MIOS: variants seen among roughly 807,000 people sequenced by gnomAD.
MIOS encodes the protein meiosis regulator for oocyte development, also known as GATOR2 complex protein MIOS.
Under a neutral mutation model 96.9 loss-of-function variants are expected in MIOS, and 52 were observed. The ratio of observed to expected loss-of-function variants is 0.54; its 90% CI spans 0.43 to 0.68. The LOEUF is 0.68. Ranked by LOEUF, MIOS falls within the 30% of genes least tolerant of loss-of-function variation. MIOS has a pLI of 0.00. For synonymous variants in MIOS, 397 were observed against 359.5 expected (o/e 1.10, Z -1.18); for missense variants, 1,005 against 1,052.8 (o/e 0.95, Z 0.63).
At position 7,607,395 on chromosome 7, in the gene MIOS, G is replaced by T. The variant is rs967224057; in HGVS notation, c.*303G>T. On this transcript the variant is annotated 3_prime_UTR_variant, in exon 13 of 13. Transcript: ENST00000340080. ...GAACACTCTAGAAGCAGAATTTCTG[G>T]AAGAGCCAAGAACAGACTTTGAGCC... The T allele has an allele frequency of 1.1e-5, 2 of 189,620 alleles. No homozygotes were observed. Among genetic ancestry groups the T allele is most frequent in the Non-Finnish European group, 2.1e-5 (2 of 93,074 alleles). 11.7% of individuals were successfully genotyped at this position (189,620 alleles called of 1,614,324 possible).
At chr7:7,587,469 G>A (rs371544522) in intron 7 of MIOS, among the ~76,000 whole-genome samples, 11 of 152,104 alleles carry the variant, frequency 7.2e-5, no homozygotes, top group African/African-American at 2.7e-4. Flanking sequence ...TTTAAAAAAT[G>A]TTAATAGTAA....
Position 7,566,962 on chromosome 7 carries a change from T to A in MIOS, c.-331T>A, listed in dbSNP as rs1783157473. On this transcript the variant is annotated 5_prime_UTR_variant, in exon 1 of 13. Coordinates refer to ENST00000340080, the MANE Select transcript of MIOS (RefSeq NM_019005.4). Reference sequence around the variant, plus strand: ...GTGGGTCCCAGCCCAGTGGTCCAGGTCACGGGCCGCACGGCCGCGGCCGCC... The same window carrying A: ...GTGGGTCCCAGCCCAGTGGTCCAGGACACGGGCCGCACGGCCGCGGCCGCC... 6.6e-6 allele frequency: 1 copy of A among 152,046 alleles called. No homozygotes were observed. Among genetic ancestry groups the A allele is most frequent in the Non-Finnish European group, 1.5e-5 (1 of 67,964 alleles). 9.4% of individuals were successfully genotyped at this position (152,046 alleles called of 1,614,324 possible).
At chr7:7,598,018 A>G (rs1784267405) in intron 11 of MIOS, among the ~76,000 whole-genome samples, 1 of 152,202 alleles carries the variant, frequency 6.6e-6, no homozygotes, top group South Asian at 2.1e-4. Context: ...TTTATAGTAA[A>G]CATATGGGAA....
At chr7:7,576,906 C>T (rs1401477685) in intron 5 of MIOS, among the ~76,000 whole-genome samples, 2 of 152,046 alleles carry the variant, frequency 1.3e-5, no homozygotes, top group African/African-American at 4.8e-5. Flanking sequence ...AGGTAGCACA[C>T]ATATATTTAG....
intron 11 of MIOS, among the ~76,000 whole-genome samples, chr7:7,600,869 C>T (rs536499307): frequency 6.6e-6 from 1 of 152,292 alleles, no homozygotes; most frequent in African/African-American, 2.4e-5. Flanking sequence ...CAAACTGTCT[C>T]TCAGACCACA....
chr7:7,600,510 GAACT>G (rs1308331266), intron 11 of MIOS, among the ~76,000 whole-genome samples: 24 of 152,274 alleles, frequency 1.6e-4, no homozygotes, highest in Admixed American at 6.5e-5. Context: ...TCAACACGAA[GAACT>G]AACTATCCTA....
Position 7,583,366 on chromosome 7 carries a change from G to GAAAAAAAAAA in MIOS, c.1647_1648insAAAAAAAAAA (p.Gly550LysfsTer21), listed in dbSNP as rs1488266375. 2 of 1,598,564 alleles carry GAAAAAAAAAA rather than the reference G, an allele frequency of 1.3e-6. No individual in the cohort carries two copies. Among genetic ancestry groups the GAAAAAAAAAA allele is most frequent in the Non-Finnish European group, 1.7e-6 (2 of 1,172,408 alleles). ...AATCCTGAATGAAGGGGCATCTTCT[G>GAAAAAAAAAA]AAAAAGGTATTAGGTTATAAACTAA... On this transcript the variant is annotated frameshift_variant, in exon 6 of 13. Coordinates refer to ENST00000340080, the MANE Select transcript of MIOS (RefSeq NM_019005.4).
chr7:7,587,602 G>C (rs919383663), intron 7 of MIOS, among the ~76,000 whole-genome samples: 3 of 152,044 alleles, frequency 2.0e-5, no homozygotes, highest in African/African-American at 7.2e-5. Context: ...AAATGGGACA[G>C]AATAATGTTT....
Position 7,583,278 on chromosome 7 carries a change from A to G in MIOS, c.1554A>G (p.Glu518=). ...VGPFLNSLVQ[E]GEWERAAAVA... is the part of the protein sequence containing the mutation. ...CATTTTTGAACTCCCTTGTACAAGA[A>G]GGGGAATGGGAAAGAGCTGCTGCTG... Residue 518 remains glutamate (E), a synonymous_variant, in exon 6 of 13, where the codon GAA becomes GAG. Transcript: ENST00000340080. 6.2e-7 allele frequency: 1 copy of G among 1,614,130 alleles called. No homozygotes were observed. Among genetic ancestry groups the G allele is most frequent in the Non-Finnish European group, 8.5e-7 (1 of 1,180,018 alleles).
In MIOS at chr7:7,607,632, G is replaced by C. The variant is rs1289421079; in HGVS notation, c.*540G>C. ...TTTTTTATTACTGTCTGTTATATATGTGTCTATGTGTGTGTGTATATTTAT... is the reference window on the plus strand; with the variant it reads ...TTTTTTATTACTGTCTGTTATATATCTGTCTATGTGTGTGTGTATATTTAT... On this transcript the variant is annotated 3_prime_UTR_variant, in exon 13 of 13. Coordinates refer to ENST00000340080, the MANE Select transcript of MIOS (RefSeq NM_019005.4). 1 of 152,222 alleles carries C rather than the reference G, an allele frequency of 6.6e-6. No homozygotes were observed. Among genetic ancestry groups the C allele is most frequent in the African/African-American group, 2.4e-5 (1 of 41,382 alleles). The allele number at this position is 152,222 out of a possible 1,614,324, so 9.4% of individuals were successfully genotyped here.
At chr7:7,592,427 C>T (rs1230031947) in intron 9 of MIOS, among the ~76,000 whole-genome samples, 2 of 152,160 alleles carry the variant, frequency 1.3e-5, no homozygotes, top group African/African-American at 4.8e-5. Flanking sequence ...AGTCCCCAAC[C>T]TTTTTGCCCC....
At chr7:7,578,644 GAAAC>G (rs753899459) in intron 5 of MIOS, among the ~76,000 whole-genome samples, 1 of 152,098 alleles carries the variant, frequency 6.6e-6, no homozygotes, top group Non-Finnish European at 1.5e-5. Flanking sequence ...ATATTAAAAT[GAAAC>G]AAATTAGTAG....
At chr7:7,568,482 G>GA (rs979565248) in intron 3 of MIOS, among the ~76,000 whole-genome samples, 5 of 151,830 alleles carry the variant, frequency 3.3e-5, no homozygotes, top group African/African-American at 1.2e-4. Context: ...ATTACATGGT[G>GA]AAAAAAAATA....
intron 5 of MIOS, among the ~76,000 whole-genome samples, chr7:7,581,112 G>A (rs1264681762): frequency 6.6e-6 from 1 of 150,712 alleles, no homozygotes; most frequent in Non-Finnish European, 1.5e-5. Flanking sequence ...ACCTGAGGTC[G>A]GGACTTCGAG....
chr7:7,604,173 C>A (rs1784459871), intron 11 of MIOS, among the ~76,000 whole-genome samples: 1 of 151,972 alleles, frequency 6.6e-6, no homozygotes, highest in Non-Finnish European at 1.5e-5. Flanking sequence ...ATATAACAAA[C>A]CTGCACGTTG....
intron 9 of MIOS, among the ~76,000 whole-genome samples, chr7:7,594,448 C>T (rs1169465976): frequency 6.6e-6 from 1 of 152,148 alleles, no homozygotes; most frequent in Non-Finnish European, 1.5e-5. Flanking sequence ...GCGCCTGCCA[C>T]CACACCTGGC....
rs4222 is a variant in MIOS at position 7,607,056 on chromosome 7, A to G, written c.2592A>G (p.Thr864=). 1,231,711 of 1,611,558 alleles carry G rather than the reference A, an allele frequency of 0.76. 473,644 individuals carry two copies. Among genetic ancestry groups the G allele is most frequent in the Admixed American group, 0.84 (49,902 of 59,740 alleles). The stretch of plus-strand genomic sequence containing the variant: ...GTAAATGTATGCAGTTGGATACAAC[A>G]GGGAATCTGGTACCTGCAGAGACTG... The part of the protein sequence containing the change: ...CTCKCMQLDT[T]GNLVPAETVQ... The change falls in exon 13 of 13, where the codon ACA becomes ACG. Residue 864 remains threonine, a synonymous_variant. Coordinates refer to ENST00000340080, the MANE Select transcript of MIOS (RefSeq NM_019005.4).
chr7:7,598,573 CAAT>C (rs1276561908), intron 11 of MIOS, among the ~76,000 whole-genome samples: 1 of 152,070 alleles, frequency 6.6e-6, no homozygotes, highest in Non-Finnish European at 1.5e-5. Context: ...ATATCTACAA[CAAT>C]GAGAGCTCGA....
At chr7:7,606,921 TA>T in intron 12 of MIOS, 74 bp from the exon 13 acceptor site, 2 of 1,207,536 alleles carry the variant, frequency 1.7e-6, no homozygotes, top group Non-Finnish European at 2.4e-6. Flanking sequence ...CCCTGTCTCT[TA>T]AAAAATAAAT....
Sources: gnomAD v4.1 joint callset for allele counts (sites outside exome capture counted in the v4.1 genomes callset) on GRCh38, gnomAD v4.1.1 for gene constraint, MANE v1.5 for transcripts, NCBI Gene and HGNC (gene_info 2026-07-23, HGNC 2026-07-21) for gene names.